PKP4: variants seen among roughly 807,000 people sequenced by gnomAD.
PKP4 encodes plakophilin 4, also known as plakophilin-4.
PKP4 carries 90 observed loss-of-function variants against 145.1 expected under a neutral mutation model. That is an observed-to-expected ratio of 0.62 (90% confidence interval 0.52 to 0.74). The LOEUF (loss-of-function observed/expected upper bound fraction) is 0.74. PKP4 is among the 30% of genes least tolerant of loss of function. PKP4 has a pLI of 0.00. For missense variants in PKP4, 1,340 were observed against 1,482.7 expected (o/e 0.90, Z 1.58); for synonymous variants, 563 against 577.2 (o/e 0.98, Z 0.35).
At chr2:158,652,036 G>T (rs902624303) in intron 11 of PKP4, among the ~76,000 whole-genome samples, 7 of 152,228 alleles carry the variant, frequency 4.6e-5, no homozygotes, top group African/African-American at 1.7e-4. Context: ...TGCCAGCGCT[G>T]TTCAATAGGA....
At position 158,625,001 on chromosome 2, in the gene PKP4, A is replaced by C. The variant is rs556358681; in HGVS notation, c.727A>C (p.Ser243Arg). ...GGGGTCTCTGAGAACTTCTCTGGGT[A>C]GTGGATTTGGCTCTCCGTCAGTGAC... ...SRGSLRTSLG[S>R]GFGSPSVTDP... Residue 243 changes from serine to arginine, a missense_variant, in exon 7 of 22, where the codon AGT becomes CGT. Ser to Arg is a moderately radical substitution (Grantham distance 110). Coordinates refer to ENST00000389759, the MANE Select transcript of PKP4 (RefSeq NM_003628.6). 1 of 1,614,156 alleles carries C rather than the reference A, an allele frequency of 6.2e-7. No homozygotes were observed. Among genetic ancestry groups the C allele is most frequent in the Non-Finnish European group, 8.5e-7 (1 of 1,180,012 alleles).
chr2:158,530,504 C>CCT (rs1212931869), intron 1 of PKP4, among the ~76,000 whole-genome samples: 34 of 92,142 alleles, frequency 3.7e-4, no homozygotes, highest in African/African-American at 1.3e-3. Flanking sequence ...CTCTTTCTTT[C>CCT]TTTTTTTTTT....
At chr2:158,645,672 C>T (rs532852828) in intron 11 of PKP4, among the ~76,000 whole-genome samples, 1 of 152,316 alleles carries the variant, frequency 6.6e-6, no homozygotes, top group South Asian at 2.1e-4. Flanking sequence ...ATGACTCGAT[C>T]CTTACATCCT....
intron 16 of PKP4, among the ~76,000 whole-genome samples, chr2:158,668,517 T>C (rs551195348): frequency 1.3e-5 from 2 of 152,360 alleles, no homozygotes; most frequent in South Asian, 2.1e-4. Flanking sequence ...GGCTCACTCA[T>C]TCATAGGCAG....
At position 158,616,632 on chromosome 2, in the gene PKP4, C is replaced by CTA. The variant is rs141064882; in HGVS notation, c.281-4357_281-4356insAT. 7.9e-3 allele frequency among the ~76,000 whole-genome samples: 1,197 copies of CTA among 152,318 alleles called. 21 individuals are homozygous for CTA. Among genetic ancestry groups the CTA allele is most frequent in the African/African-American group, 0.028 (1,143 of 41,552 alleles). ...GAGTCCTGCCAAAACTCACACCACACTGTCTTTTATGTAAGGGCAAACCCC... is the reference window on the plus strand; with the variant it reads ...GAGTCCTGCCAAAACTCACACCACACTATGTCTTTTATGTAAGGGCAAACCCC... On this transcript the variant is annotated intron_variant, in intron 4 of 21. Coordinates refer to ENST00000389759, the MANE Select transcript of PKP4 (RefSeq NM_003628.6).
chr2:158,494,252 T>C (rs1695360444), intron 1 of PKP4, among the ~76,000 whole-genome samples: 1 of 152,106 alleles, frequency 6.6e-6, no homozygotes, highest in Non-Finnish European at 1.5e-5. Context: ...TACTTTTTTT[T>C]TTTTACTTAT....
intron 2 of PKP4, among the ~76,000 whole-genome samples, chr2:158,563,784 C>T (rs2046741806): frequency 6.6e-6 from 1 of 151,966 alleles, no homozygotes; most frequent in African/African-American, 2.4e-5. Context: ...TACACCATTT[C>T]TTCATAGCAT....
intron 2 of PKP4, among the ~76,000 whole-genome samples, chr2:158,574,711 T>C (rs1431822907): frequency 6.6e-6 from 1 of 152,234 alleles, no homozygotes; most frequent in Non-Finnish European, 1.5e-5. Context: ...GATATTCTGC[T>C]TTTGGCACTT....
intron 1 of PKP4, among the ~76,000 whole-genome samples, chr2:158,523,857 T>C (rs1291459704): frequency 1.4e-5 from 2 of 140,690 alleles, no homozygotes; most frequent in South Asian, 2.5e-4. Flanking sequence ...GGAGCCGATG[T>C]GATCAACTGG....
At position 158,678,378 on chromosome 2, in the gene PKP4, A is replaced by G. The variant is rs547021768; in HGVS notation, c.3257-203A>G. Among the ~76,000 whole-genome samples, 8 of 152,186 alleles carry G rather than the reference A, an allele frequency of 5.3e-5. No individual in the cohort carries two copies. The East Asian group carries it at 1.2e-3, about 22-fold the overall frequency. On this transcript the variant is annotated intron_variant, in intron 20 of 21. Coordinates refer to ENST00000389759, the MANE Select transcript of PKP4 (RefSeq NM_003628.6). ...AGCCTGTTTCTGCCATAGTTTTGCCATTAGCCCCCACCAGCCCTGAGGTAA... is the reference window on the plus strand; with the variant it reads ...AGCCTGTTTCTGCCATAGTTTTGCCGTTAGCCCCCACCAGCCCTGAGGTAA...
At chr2:158,636,130 T>C (rs185998183) in intron 9 of PKP4, among the ~76,000 whole-genome samples, 1 of 152,190 alleles carries the variant, frequency 6.6e-6, no homozygotes, top group Non-Finnish European at 1.5e-5. Context: ...GTAAAAGACT[T>C]CCTGTGTATT....
At chr2:158,647,034 C>T (rs1185959818) in intron 11 of PKP4, among the ~76,000 whole-genome samples, 7 of 152,192 alleles carry the variant, frequency 4.6e-5, no homozygotes, top group Middle Eastern at 3.2e-3. Context: ...AGGAAGTAAG[C>T]CCCCAGTCTG....
chr2:158,676,080 C>G (rs1425000352), intron 19 of PKP4, among the ~76,000 whole-genome samples: 2 of 152,128 alleles, frequency 1.3e-5, no homozygotes, highest in African/African-American at 2.4e-5. Context: ...TAAAACAGTC[C>G]TCAGTCCTCT....
chr2:158,551,870 T>A (rs1233746284), intron 2 of PKP4, among the ~76,000 whole-genome samples: 1 of 152,232 alleles, frequency 6.6e-6, no homozygotes, highest in Non-Finnish European at 1.5e-5. Context: ...CAACTATAAC[T>A]TTTTTATAGA....
chr2:158,591,259 G>A (rs2049252794), intron 3 of PKP4, among the ~76,000 whole-genome samples: 2 of 151,722 alleles, frequency 1.3e-5, no homozygotes, highest in South Asian at 4.2e-4. Flanking sequence ...ATTGAAACAG[G>A]GAATATGAAT....
intron 6 of PKP4, among the ~76,000 whole-genome samples, chr2:158,624,261 G>A (rs938067786): frequency 6.6e-6 from 1 of 152,180 alleles, no homozygotes; most frequent in Non-Finnish European, 1.5e-5. Context: ...TAGCCAAGCT[G>A]TTCCCCGAAG....
intron 1 of PKP4, among the ~76,000 whole-genome samples, chr2:158,495,118 T>A (rs1397288951): frequency 6.6e-6 from 1 of 151,934 alleles, no homozygotes; most frequent in African/African-American, 2.4e-5. Context: ...CTCGGGAGGC[T>A]GAGGCAGGAG....
Position 158,663,418 on chromosome 2 carries a change from C to T in PKP4, c.2550C>T (p.Leu850=), listed in dbSNP as rs779783061. ...PATLEGSAGS[L]QNLSAGNWKF... is the part of the protein sequence containing the mutation. ...CCTTGGAAGGCTCTGCAGGGTCTCT[C>T]CAGAACCTCTCTGCTGGCAACTGGA... The change falls in exon 15 of 22, where the codon CTC becomes CTT. Residue 850 remains leucine (L), a synonymous_variant. Transcript: ENST00000389759. 16 of 1,613,486 alleles carry T rather than the reference C, an allele frequency of 9.9e-6. No homozygotes were observed. The highest frequency in any genetic ancestry group is 1.7e-4 in the Middle Eastern group (1 of 6,060).
chr2:158,606,460 A>G (rs1252628644), intron 4 of PKP4, among the ~76,000 whole-genome samples: 1 of 152,196 alleles, frequency 6.6e-6, no homozygotes, highest in Non-Finnish European at 1.5e-5. Flanking sequence ...TTTTAACCTT[A>G]CCAACTGCCT....
Sources: gnomAD v4.1 joint callset for allele counts (sites outside exome capture counted in the v4.1 genomes callset) on GRCh38, gnomAD v4.1.1 for gene constraint, MANE v1.5 for transcripts, NCBI Gene and HGNC (gene_info 2026-07-23, HGNC 2026-07-21) for gene names.